The following LEF1 variants were observed in gnomAD, a reference collection of about 807,000 sequenced individuals.
LEF1 encodes lymphoid enhancer-binding factor 1.
LEF1 carries 14 observed loss-of-function variants against 51.2 expected under a neutral mutation model. The ratio of observed to expected loss-of-function variants is 0.27; its 90% CI spans 0.18 to 0.43. The LOEUF (loss-of-function observed/expected upper bound fraction) is 0.43, where lower values mean the gene tolerates loss of function less well. Ranked by LOEUF, LEF1 falls within the 20% of genes least tolerant of loss-of-function variation. The pLI is 1.00. For missense variants in LEF1, 386 were observed against 512.0 expected (o/e 0.75, Z 2.37); for synonymous variants, 185 against 183.2 (o/e 1.01, Z -0.08).
At chr4:108,123,434 T>G (rs1286838905) in intron 3 of LEF1, among the ~76,000 whole-genome samples, 1 of 35,796 alleles carries the variant, frequency 2.8e-5, no homozygotes, top group Non-Finnish European at 1.0e-4. Flanking sequence ...TAGGGTTGGT[T>G]TTTTTTTTTT....
chr4:108,099,616 A>ATATG, intron 3 of LEF1, among the ~76,000 whole-genome samples: 1 of 123,212 alleles, frequency 8.1e-6, no homozygotes, highest in Non-Finnish European at 1.7e-5. Flanking sequence ...ATATATATAT[A>ATATG]TAAATAATAC....
chr4:108,102,047 G>C (rs920097086), intron 3 of LEF1, among the ~76,000 whole-genome samples: 9 of 146,206 alleles, frequency 6.2e-5, no homozygotes, highest in African/African-American at 2.3e-4. Flanking sequence ...TGGGCAACAA[G>C]AGTGAAACCC....
intron 3 of LEF1, among the ~76,000 whole-genome samples, chr4:108,108,952 C>G (rs1239585431): frequency 6.6e-6 from 1 of 152,152 alleles, no homozygotes; most frequent in Admixed American, 6.5e-5. Flanking sequence ...AGGATTGGAA[C>G]CAGACCAAGG....
At chr4:108,116,411 A>G (rs912512402) in intron 3 of LEF1, among the ~76,000 whole-genome samples, 11 of 152,214 alleles carry the variant, frequency 7.2e-5, no homozygotes, top group Non-Finnish European at 1.5e-4. Context: ...GGTCCCAGCT[A>G]CTTGACAGGC....
intron 3 of LEF1, among the ~76,000 whole-genome samples, chr4:108,144,372 G>C (rs1316493367): frequency 6.6e-6 from 1 of 152,156 alleles, no homozygotes. Context: ...TTGGAGCTGG[G>C]TTTAAACTGC....
intron 8 of LEF1, among the ~76,000 whole-genome samples, chr4:108,077,287 C>T (rs1170288241): frequency 6.6e-6 from 1 of 151,082 alleles, no homozygotes; most frequent in African/African-American, 2.4e-5. Flanking sequence ...TCTGCCTGGC[C>T]GCCCAACTGA....
intron 1 of LEF1, chr4:108,166,621 A>G: frequency 3.7e-6 from 4 of 1,068,388 alleles, no homozygotes; most frequent in Admixed American, 5.1e-5. Flanking sequence ...TTCTCTAGCC[A>G]GCACCCACGT....
At chr4:108,057,587 C>T (rs1322952930) in intron 11 of LEF1, among the ~76,000 whole-genome samples, 1 of 152,206 alleles carries the variant, frequency 6.6e-6, no homozygotes, top group Non-Finnish European at 1.5e-5. Flanking sequence ...AGTCCTCTCA[C>T]TGGTGCTTCT....
intron 3 of LEF1, among the ~76,000 whole-genome samples, chr4:108,110,483 A>G (rs1741459332): frequency 6.6e-6 from 1 of 152,174 alleles, no homozygotes; most frequent in African/African-American, 2.4e-5. Context: ...TGGATATTTT[A>G]AAGCAAAAAA....
Position 108,083,392 on chromosome 4 carries a change from G to T in LEF1, c.602C>A (p.Pro201Gln). ...PDIPTFYPLS[P>Q]GGVGQITPPL... ...TGGGGTGATCTGTCCAACACCACCCGGAGACAAGGGATAAAAAGTAGGGAT... is the reference window on the plus strand; with the variant it reads ...TGGGGTGATCTGTCCAACACCACCCTGAGACAAGGGATAAAAAGTAGGGAT... The change falls in exon 5 of 12, where the codon CCG (proline) becomes CAG (glutamine). Residue 201 changes from proline to glutamine, a missense_variant. Pro to Gln is a moderately conservative substitution (Grantham distance 76). Coordinates refer to ENST00000265165, the MANE Select transcript of LEF1 (RefSeq NM_016269.5). 1 of 1,613,780 alleles carries T rather than the reference G, an allele frequency of 6.2e-7. No individual in the cohort carries two copies. Among genetic ancestry groups the T allele is most frequent in the Non-Finnish European group, 8.5e-7 (1 of 1,179,770 alleles).
At position 108,167,773 on chromosome 4, in the gene LEF1, C is replaced by G. The variant is rs754726952; in HGVS notation, c.-6G>C. On this transcript the variant is annotated 5_prime_UTR_variant, in exon 1 of 12. Coordinates refer to ENST00000265165, the MANE Select transcript of LEF1 (RefSeq NM_016269.5). The surrounding 1 kb of genome is among the most constrained non-coding windows in gnomAD (Gnocchi z 5.7). Reference sequence around the variant, plus strand: ...CCTCCGGAGAGTTGGGGCATCCCGGCGGCTCTGTAATCTCCGCTCCGCTGT... The same window carrying G: ...CCTCCGGAGAGTTGGGGCATCCCGGGGGCTCTGTAATCTCCGCTCCGCTGT... 6.2e-7 allele frequency: 1 copy of G among 1,610,700 alleles called. No individual in the cohort carries two copies. Among genetic ancestry groups the G allele is most frequent in the Non-Finnish European group, 8.5e-7 (1 of 1,179,514 alleles).
intron 3 of LEF1, among the ~76,000 whole-genome samples, chr4:108,089,762 A>ATACTGATATCC (rs1246037434): frequency 6.6e-6 from 1 of 152,206 alleles, no homozygotes; most frequent in African/African-American, 2.4e-5. Context: ...TAAATTTCCT[A>ATACTGATATCC]TACTGATATC....
Position 108,167,472 on chromosome 4 carries a change from G to A in LEF1, c.213+83C>T, listed in dbSNP as rs563612364. 143 of 1,423,956 alleles carry A rather than the reference G, an allele frequency of 1.0e-4. 1 individual carries two copies. The South Asian group carries it at 1.1e-3, about 11-fold the overall frequency. The allele number at this position is 1,423,956 out of a possible 1,614,324, so 88.2% of individuals were successfully genotyped here. A position where few individuals can be genotyped will look rare whatever the true frequency, so the allele number is the denominator to read the frequency against. On this transcript the variant is annotated intron_variant, in intron 1 of 11. Coordinates refer to ENST00000265165, the MANE Select transcript of LEF1 (RefSeq NM_016269.5). This position sits in a 1 kb window ranked among gnomAD's most constrained non-coding sequence, Gnocchi z 5.7. ...ACTCGGGACCCTCAGCCGGGCGGCCGGGCGCCTTCGTTCCCTTCCTCCCTC... is the reference window on the plus strand; with the variant it reads ...ACTCGGGACCCTCAGCCGGGCGGCCAGGCGCCTTCGTTCCCTTCCTCCCTC...
chr4:108,127,570 T>G (rs1013966540), intron 3 of LEF1, among the ~76,000 whole-genome samples: 3 of 152,176 alleles, frequency 2.0e-5, no homozygotes, highest in Non-Finnish European at 4.4e-5. Flanking sequence ...CCTTTCTACT[T>G]GAAAACCACC....
At chr4:108,077,960 G>A (rs1337379774) in intron 8 of LEF1, among the ~76,000 whole-genome samples, 1 of 152,176 alleles carries the variant, frequency 6.6e-6, no homozygotes, top group Non-Finnish European at 1.5e-5. Flanking sequence ...AGGATCGCCT[G>A]AACCCAGGAG....
intron 11 of LEF1, among the ~76,000 whole-genome samples, chr4:108,055,388 G>A (rs867358820): frequency 6.6e-5 from 10 of 152,280 alleles, no homozygotes; most frequent in Middle Eastern, 6.8e-3. Flanking sequence ...ATGGCATGAG[G>A]TATTCGTATT....
chr4:108,088,374 G>A (rs996245390), intron 4 of LEF1, among the ~76,000 whole-genome samples: 3 of 152,128 alleles, frequency 2.0e-5, no homozygotes, highest in East Asian at 1.9e-4. Flanking sequence ...GTCCAAGTGC[G>A]CATGTGCATG....
chr4:108,164,287 TTC>T (rs1745250616), intron 2 of LEF1, among the ~76,000 whole-genome samples: 1 of 152,146 alleles, frequency 6.6e-6, no homozygotes, highest in Admixed American at 6.5e-5. Context: ...GCCAAAAAAT[TTC>T]TGTTCGATAT....
chr4:108,062,445 G>A (rs1263692740), intron 11 of LEF1, among the ~76,000 whole-genome samples: 1 of 152,168 alleles, frequency 6.6e-6, no homozygotes, highest in South Asian at 2.1e-4. Flanking sequence ...TGTTTGGACT[G>A]ATCATAGGAC....
Sources: gnomAD v4.1 joint callset for allele counts (sites outside exome capture counted in the v4.1 genomes callset) on GRCh38, gnomAD v4.1.1 for gene constraint, Gnocchi (gnomAD v3.1) non-coding constraint, MANE v1.5 for transcripts, NCBI Gene and HGNC (gene_info 2026-07-23, HGNC 2026-07-21) for gene names.